RNF123: variants seen among roughly 807,000 people sequenced by gnomAD.
RNF123 encodes ring finger protein 123, also known as E3 ubiquitin-protein ligase RNF123.
RNF123 carries 86 observed loss-of-function variants against 168.5 expected under a neutral mutation model. The ratio of observed to expected loss-of-function variants is 0.51; its 90% CI spans 0.43 to 0.61. RNF123 has a LOEUF of 0.61. RNF123 is among the 20% of genes least tolerant of loss of function. The pLI is 0.00. For synonymous variants in RNF123, 666 were observed against 689.1 expected (o/e 0.97, Z 0.52); for missense variants, 1,419 against 1,729.7 (o/e 0.82, Z 3.19).
intron 15 of RNF123, 89 bp downstream of exon 15, chr3:49,700,798 G>A (rs1165950743): frequency 3.6e-6 from 5 of 1,399,538 alleles, no homozygotes; most frequent in Non-Finnish European, 5.0e-6. Context: ...TCAGGCCAGG[G>A]GTCCCCTGGG....
intron 21 of RNF123, among the ~76,000 whole-genome samples, 165 bp downstream of exon 21, chr3:49,703,693 G>A (rs1439320427): frequency 6.6e-6 from 1 of 152,152 alleles, no homozygotes; most frequent in Non-Finnish European, 1.5e-5. Flanking sequence ...CCTACATCTG[G>A]GCAGCTTCTC....
chr3:49,706,463 C>T (rs1163900124), intron 25 of RNF123, among the ~76,000 whole-genome samples: 1 of 152,246 alleles, frequency 6.6e-6, no homozygotes, highest in Non-Finnish European at 1.5e-5. Flanking sequence ...TGACAGCCCC[C>T]ACCCACCCCG....
Position 49,697,393 on chromosome 3 carries a change from C to T in RNF123, c.278C>T (p.Thr93Ile). The stretch of plus-strand genomic sequence containing the variant: ...GTTGAAGGGCGGCTTGGCCCATCCA[C>T]TGTGGTCCTGGACCACACAGGCGGC... ...GQVEGRLGPS[T>I]VVLDHTGGFE... The change falls in exon 5 of 39, where the codon ACT (threonine) becomes ATT (isoleucine). Residue 93 changes from threonine to isoleucine, a missense_variant. Physicochemically the swap from Thr to Ile is moderately conservative, Grantham distance 89. This residue lies in a region of RNF123 where 318 missense variants were observed against 446.6 expected (regional missense o/e 0.71). Coordinates refer to ENST00000327697, the MANE Select transcript of RNF123 (RefSeq NM_022064.5). 8 of 1,610,314 alleles carry T rather than the reference C, an allele frequency of 5.0e-6. No homozygotes were observed. The highest frequency in any genetic ancestry group is 6.8e-6 in the Non-Finnish European group (8 of 1,177,708).
intron 3 of RNF123, among the ~76,000 whole-genome samples, chr3:49,696,562 C>T (rs1455173924): frequency 6.6e-6 from 1 of 151,888 alleles, no homozygotes; most frequent in Admixed American, 6.6e-5. Flanking sequence ...TGGTCTTGAA[C>T]TACTGACCTC....
Position 49,691,219 on chromosome 3 carries a change from C to T in RNF123, c.54C>T (p.Thr18=). The part of the protein sequence containing the change: ...MSFSRKSYRL[T]SDAEKSRVTG... ...TCTCCCGCAAGAGCTATAGGCTGAC[C>T]TCAGATGCTGAGAAATCCAGGGTCA... is the stretch of plus-strand genomic sequence containing the variant. The change falls in exon 2 of 39, where the codon ACC becomes ACT. Residue 18 remains threonine, a synonymous_variant. Transcript: ENST00000327697. 1.9e-6 allele frequency: 3 copies of T among 1,613,970 alleles called. No homozygotes were observed. The highest frequency in any genetic ancestry group is 2.5e-6 in the Non-Finnish European group (3 of 1,179,834).
At chr3:49,701,740 T>G in intron 16 of RNF123, 71 bp from the exon 17 acceptor site, 1 of 1,473,986 alleles carries the variant, frequency 6.8e-7, no homozygotes. Context: ...GGAGTGTGGG[T>G]GTTCTGAGTG....
chr3:49,715,488 A>C (rs1348621165), intron 31 of RNF123, 87 bp from the exon 32 acceptor site: 6 of 1,523,182 alleles, frequency 3.9e-6, no homozygotes. Flanking sequence ...TCCTTATACC[A>C]AAGCCTCAAT....
rs374539027 is a variant in RNF123, at chr3:49,705,688, C to T, written c.2304+9C>T. 85 of 1,613,994 alleles carry T rather than the reference C, an allele frequency of 5.3e-5. No homozygotes were observed. The highest frequency in any genetic ancestry group is 7.1e-5 in the Non-Finnish European group (84 of 1,180,014). Reference sequence around the variant, plus strand: ...ACCAGCAGCTGGGCAAGGTCGTGCACTCTTGGACCCCGCATTGGGTGGCGG... The same window carrying T: ...ACCAGCAGCTGGGCAAGGTCGTGCATTCTTGGACCCCGCATTGGGTGGCGG... On this transcript the variant is annotated intron_variant, in intron 24 of 38. Coordinates refer to ENST00000327697, the MANE Select transcript of RNF123 (RefSeq NM_022064.5).
chr3:49,700,812 A>C, intron 15 of RNF123, 103 bp downstream of exon 15: 2 of 1,239,176 alleles, frequency 1.6e-6, no homozygotes, highest in Non-Finnish European at 2.4e-6. Flanking sequence ...CCCTGGGAGC[A>C]TCAGGAGGAC....
intron 3 of RNF123, among the ~76,000 whole-genome samples, chr3:49,695,204 G>A (rs2054243941): frequency 6.6e-6 from 1 of 152,192 alleles, no homozygotes; most frequent in Admixed American, 6.5e-5. Context: ...CCAGGCTCAA[G>A]GAATCCTCCC....
At chr3:49,713,641 G>T (rs1449311245) in intron 28 of RNF123, 54 bp downstream of exon 28, 14 of 1,583,562 alleles carry the variant, frequency 8.8e-6, no homozygotes, top group African/African-American at 8.1e-5. Flanking sequence ...GGCACCTCTG[G>T]TCGGCTTTCT....
Position 49,706,819 on chromosome 3 carries a change from A to C in RNF123, c.2417A>C (p.Lys806Thr), listed in dbSNP as rs2054528834. ...AAGGACATCCTTGCAGAGTTGACCA[A>C]GAGCCAGAAGGTTTTCTCAGAAAAG... ...RRKDILAELTKSQKVFSEKLD... is the reference protein window; with the variant it reads ...RRKDILAELTTSQKVFSEKLD... The change falls in exon 26 of 39, where the codon AAG (lysine) becomes ACG (threonine). Residue 806 changes from lysine (K) to threonine (T), a missense_variant. Coordinates refer to ENST00000327697, the MANE Select transcript of RNF123 (RefSeq NM_022064.5). The C allele has an allele frequency of 6.2e-7, 1 of 1,614,076 alleles. No homozygotes were observed. Among genetic ancestry groups the C allele is most frequent in the South Asian group, 1.1e-5 (1 of 91,092 alleles).
Position 49,702,395 on chromosome 3 carries a change from G to A in RNF123, c.1619G>A (p.Ser540Asn). The A allele has an allele frequency of 6.2e-7, 1 of 1,614,214 alleles. No individual in the cohort carries two copies. The highest frequency in any genetic ancestry group is 8.5e-7 in the Non-Finnish European group (1 of 1,180,018). Reference protein sequence around the residue: ...KFRKFLQENASGRGNMPMLCP... With the variant: ...KFRKFLQENANGRGNMPMLCP... ...CGCAAGTTTCTGCAGGAGAACGCCA[G>A]TGGCCGGGGGGTAGGTGTCCTCCAG... is the stretch of plus-strand genomic sequence containing the variant. Residue 540 changes from serine to asparagine, a missense_variant, in exon 19 of 39, where the codon AGT (serine) becomes AAT (asparagine). Around this residue, in one of 5 missense-constraint regions of RNF123, gnomAD observed 349 missense variants for 344.9 expected, o/e 1.01. Coordinates refer to ENST00000327697, the MANE Select transcript of RNF123 (RefSeq NM_022064.5).
At chr3:49,700,780 G>T (rs1303025525) in intron 15 of RNF123, 71 bp downstream of exon 15, 1 of 1,538,344 alleles carries the variant, frequency 6.5e-7, no homozygotes, top group Non-Finnish European at 9.0e-7. Flanking sequence ...CCAGGAAGGG[G>T]AGTGTCATCA....
chr3:49,709,845 T>A (rs1282148457), intron 26 of RNF123, among the ~76,000 whole-genome samples: 1 of 152,120 alleles, frequency 6.6e-6, no homozygotes. Flanking sequence ...AGTGCTGGGA[T>A]TGCAGGCATG....
At chr3:49,695,689 C>G (rs1575519909) in intron 3 of RNF123, among the ~76,000 whole-genome samples, 2 of 152,296 alleles carry the variant, frequency 1.3e-5, no homozygotes, top group African/African-American at 4.8e-5. Flanking sequence ...AGCTTTCTGT[C>G]TGTGTGGATG....
At chr3:49,697,983 T>G (rs758081772) in intron 6 of RNF123, 44 bp downstream of exon 6, 132 of 1,613,470 alleles carry the variant, frequency 8.2e-5, no homozygotes, top group Non-Finnish European at 1.1e-4. Flanking sequence ...AGGAGAAAGT[T>G]TAAGGGCCCA....
At position 49,713,955 on chromosome 3, in the gene RNF123, GC is replaced by G; in HGVS notation, c.2886del (p.Trp963GlyfsTer28). 1 of 1,614,028 alleles carries G rather than the reference GC, an allele frequency of 6.2e-7. No homozygotes were observed. The highest frequency in any genetic ancestry group is 8.5e-7 in the Non-Finnish European group (1 of 1,179,988). Reference protein sequence around the residue: ...RNLLAPYEQRPWAQTNWILVR... With the variant: ...RNLLAPYEQRXWAQTNWILVR... ...ACCTCCTGGCGCCCTATGAGCAGCG[GC>G]CCTGGGCCCAGACCAACTGGATCCT... On this transcript the variant is annotated frameshift_variant, in exon 30 of 39. Transcript: ENST00000327697. LOFTEE classifies it high-confidence loss of function.
chr3:49,704,905 C>G, intron 22 of RNF123, 79 bp from the exon 23 acceptor site: 1 of 1,446,654 alleles, frequency 6.9e-7, no homozygotes, highest in Non-Finnish European at 9.3e-7. Flanking sequence ...GGCATGGACC[C>G]TCCCTCACAA....
Sources: gnomAD v4.1 joint callset for allele counts (sites outside exome capture counted in the v4.1 genomes callset) on GRCh38, gnomAD v4.1.1 for gene constraint, gnomAD v4.1.1 regional missense constraint, MANE v1.5 for transcripts, NCBI Gene and HGNC (gene_info 2026-07-23, HGNC 2026-07-21) for gene names.